Variants in DNM3 observed in about 807,000 individuals in gnomAD.
The protein encoded by DNM3 is dynamin-3.
DNM3 carries 47 observed loss-of-function variants against 101.6 expected under a neutral mutation model. The observed-to-expected ratio is 0.46, with a 90% CI of 0.37 to 0.59. The LOEUF is 0.59. Ranked by LOEUF, DNM3 falls within the 20% of genes least tolerant of loss-of-function variation. The pLI is 0.00. For missense variants in DNM3, 849 were observed against 1,085.7 expected (o/e 0.78, Z 3.06); for synonymous variants, 385 against 387.9 (o/e 0.99, Z 0.09).
At chr1:172,176,473 G>T (rs757269814) in intron 14 of DNM3, among the ~76,000 whole-genome samples, 2 of 151,762 alleles carry the variant, frequency 1.3e-5, no homozygotes, top group African/African-American at 2.4e-5. Flanking sequence ...AACTAGTGCC[G>T]TGACCAACAG....
intron 18 of DNM3, chr1:172,381,090 CACTGAA>C (rs1202861034): frequency 6.6e-6 from 1 of 151,326 alleles, no homozygotes; most frequent in Non-Finnish European, 1.5e-5. Flanking sequence ...CACACACACA[CACTGAA>C]AGAAAGAAAG....
At chr1:171,873,612 G>A (rs2125094821) in intron 1 of DNM3, among the ~76,000 whole-genome samples, 2 of 152,264 alleles carry the variant, frequency 1.3e-5, no homozygotes, top group East Asian at 3.9e-4. Flanking sequence ...AAGGACTTGA[G>A]GGAGGTGACA....
At chr1:172,248,941 C>T (rs1333434400) in intron 14 of DNM3, among the ~76,000 whole-genome samples, 1 of 152,108 alleles carries the variant, frequency 6.6e-6, no homozygotes, top group African/African-American at 2.4e-5. Context: ...CATAGTCTTA[C>T]CTTTGAAGAT....
intron 20 of DNM3, among the ~76,000 whole-genome samples, chr1:172,398,672 T>C (rs948796750): frequency 6.6e-6 from 1 of 152,210 alleles, no homozygotes; most frequent in African/African-American, 2.4e-5. Flanking sequence ...ACAGCCTCCA[T>C]GGTCAGTACA....
chr1:172,079,084 T>G (rs925125179), intron 11 of DNM3, among the ~76,000 whole-genome samples: 8 of 152,160 alleles, frequency 5.3e-5, no homozygotes, highest in Non-Finnish European at 1.2e-4. Flanking sequence ...GTGATTCTGA[T>G]GATTATGTGT....
At chr1:172,360,365 A>G (rs1461426554) in intron 17 of DNM3, among the ~76,000 whole-genome samples, 2 of 152,040 alleles carry the variant, frequency 1.3e-5, no homozygotes, top group African/African-American at 4.8e-5. Context: ...CATCTGATGC[A>G]TTTTGACTCC....
rs368304553 is a variant in DNM3 at position 172,048,564 on chromosome 1, T to C, written c.1197-48T>C. The C allele has an allele frequency of 4.5e-6, 7 of 1,558,822 alleles. No homozygotes were observed. The African/African-American group carries it at 9.7e-5, about 22-fold the overall frequency. On this transcript the variant is annotated intron_variant, in intron 9 of 20. Transcript: ENST00000627582. ...ACATTTTTCAAAAGATTTTTGAATA[T>C]TACTCAATTAAAAAAATCTCATGGG...
At chr1:172,199,388 A>T (rs541051823) in intron 14 of DNM3, among the ~76,000 whole-genome samples, 13 of 151,994 alleles carry the variant, frequency 8.6e-5, no homozygotes, top group Admixed American at 6.6e-4. Context: ...TATTTTGTTG[A>T]TTCTGGATGG....
chr1:172,157,029 T>G lies in DNM3; in HGVS notation c.1659+25741T>G, dbSNP rs533954523. On this transcript the variant is annotated intron_variant, in intron 14 of 20. Transcript: ENST00000627582. ...AATTTTTCCACAGATCAGGATGAGGTGGATGGTTTTGGGATGATTCAAGTG... is the reference window on the plus strand; with the variant it reads ...AATTTTTCCACAGATCAGGATGAGGGGGATGGTTTTGGGATGATTCAAGTG... 3.3e-5 allele frequency among the ~76,000 whole-genome samples: 5 copies of G among 152,052 alleles called. No homozygotes were observed. The South Asian group carries it at 1.0e-3, about 32-fold the overall frequency.
intron 14 of DNM3, among the ~76,000 whole-genome samples, chr1:172,132,668 C>T (rs527794392): frequency 2.9e-4 from 44 of 152,074 alleles, no homozygotes; most frequent in Non-Finnish European, 6.0e-4. Context: ...CATTTAAATA[C>T]GTGTAAACCT....
intron 1 of DNM3, among the ~76,000 whole-genome samples, chr1:171,867,160 G>C (rs1395832865): frequency 6.6e-6 from 1 of 152,194 alleles, no homozygotes. Context: ...GGCCTTTAGG[G>C]CAGGGCTCCC....
At chr1:172,236,102 A>G (rs1573067673) in intron 14 of DNM3, among the ~76,000 whole-genome samples, 1 of 152,148 alleles carries the variant, frequency 6.6e-6, no homozygotes, top group African/African-American at 2.4e-5. Context: ...TCCACTCCAA[A>G]ATGTGTTCCC....
At chr1:172,036,817 C>T (rs913167258) in intron 6 of DNM3, among the ~76,000 whole-genome samples, 126 of 151,986 alleles carry the variant, frequency 8.3e-4, no homozygotes, top group African/African-American at 3.0e-3. Flanking sequence ...AACTAAAGAG[C>T]TTCTGCACAG....
chr1:172,077,738 A>G (rs2052783103), intron 11 of DNM3, among the ~76,000 whole-genome samples: 1 of 152,018 alleles, frequency 6.6e-6, no homozygotes, highest in Non-Finnish European at 1.5e-5. Flanking sequence ...TCAGTTTTGG[A>G]ATAAGTGTGA....
intron 11 of DNM3, among the ~76,000 whole-genome samples, chr1:172,075,495 T>C (rs2125966214): frequency 6.6e-6 from 1 of 152,310 alleles, no homozygotes; most frequent in South Asian, 2.1e-4. Flanking sequence ...TTGTATAAGG[T>C]GTAAGGAAGG....
chr1:172,391,530 G>A (rs1416759914), intron 20 of DNM3, among the ~76,000 whole-genome samples: 3 of 152,152 alleles, frequency 2.0e-5, no homozygotes, highest in Non-Finnish European at 2.9e-5. Context: ...AAGAGAGAAC[G>A]AGAGAAAGAA....
chr1:172,280,766 A>G (rs981360279), intron 15 of DNM3, among the ~76,000 whole-genome samples: 1 of 152,220 alleles, frequency 6.6e-6, no homozygotes, highest in African/African-American at 2.4e-5. Flanking sequence ...GCATCACTGA[A>G]ACTCAAATTC....
chr1:172,100,186 T>C (rs907808433), intron 13 of DNM3, among the ~76,000 whole-genome samples: 1 of 152,224 alleles, frequency 6.6e-6, no homozygotes, highest in African/African-American at 2.4e-5. Context: ...GACTGGAATA[T>C]GAAATTTGGC....
chr1:172,277,558 AAC>A (rs2063336120), intron 15 of DNM3, among the ~76,000 whole-genome samples: 1 of 152,170 alleles, frequency 6.6e-6, no homozygotes, highest in Admixed American at 6.6e-5. Flanking sequence ...AAGAATAGAA[AAC>A]ACACTACTGA....
Sources: allele counts gnomAD v4.1 joint callset (sites outside exome capture counted in the v4.1 genomes callset), GRCh38; gene constraint gnomAD v4.1.1; transcripts MANE v1.5; gene names NCBI Gene and HGNC (gene_info 2026-07-23, HGNC 2026-07-21).